The following FOXP2 variants were observed in gnomAD, a reference collection of about 807,000 sequenced individuals.
FOXP2 encodes the protein forkhead box protein P2.
A neutral mutation model predicts 115.8 loss-of-function variants in FOXP2; 12 were observed. The ratio of observed to expected loss-of-function variants is 0.10; its 90% CI spans 0.07 to 0.17. FOXP2 has a LOEUF of 0.17. FOXP2 is among the 10% of genes least tolerant of loss of function. The probability of loss-of-function intolerance (pLI) is 1.00; values close to 1 mark genes in which losing one functional copy is unlikely to be tolerated. For missense variants in FOXP2, 629 were observed against 843.5 expected (o/e 0.75, Z 3.15); for synonymous variants, 328 against 297.7 (o/e 1.10, Z -1.05).
intron 2 of FOXP2, among the ~76,000 whole-genome samples, chr7:114,342,903 A>C (rs1012385706): frequency 3.8e-4 from 57 of 151,628 alleles, no homozygotes; most frequent in African/African-American, 1.3e-3. Flanking sequence ...AAAGTTTACT[A>C]TGTTCTCACA....
chr7:114,397,126 G>C (rs116148254), intron 2 of FOXP2, among the ~76,000 whole-genome samples: 2,243 of 152,062 alleles, frequency 0.015, 39 homozygotes, highest in African/African-American at 0.038. Flanking sequence ...GCAATGAAAA[G>C]CACAAAATAA....
chr7:114,198,538 G>A (rs1454375567), intron 1 of FOXP2, among the ~76,000 whole-genome samples: 1 of 152,154 alleles, frequency 6.6e-6, no homozygotes. Flanking sequence ...CCTCTCATAA[G>A]CAGTTCACAA....
intron 2 of FOXP2, chr7:114,288,166 C>T (rs1796511045): frequency 4.5e-6 from 2 of 439,940 alleles, no homozygotes; most frequent in Non-Finnish European, 9.0e-6. Flanking sequence ...TTTTATTTTT[C>T]TAATGCTGAT....
At chr7:114,466,851 A>G (rs1332357988) in intron 2 of FOXP2, among the ~76,000 whole-genome samples, 2 of 152,230 alleles carry the variant, frequency 1.3e-5, no homozygotes, top group African/African-American at 2.4e-5. Context: ...AATTCAAAAC[A>G]CCACAAACAG....
At chr7:114,687,742 C>A (rs982599296) in intron 16 of FOXP2, among the ~76,000 whole-genome samples, 6 of 152,020 alleles carry the variant, frequency 3.9e-5, no homozygotes, top group Non-Finnish European at 7.4e-5. Flanking sequence ...CTTTTAGAAG[C>A]CTTTCTTTGT....
intron 1 of FOXP2, among the ~76,000 whole-genome samples, chr7:114,194,360 T>G (rs904160622): frequency 3.9e-5 from 6 of 152,060 alleles, no homozygotes; most frequent in African/African-American, 1.2e-4. Context: ...TCCTTTACCC[T>G]TTATCTTTCT....
At chr7:114,096,902 T>C (rs899757484) in intron 1 of FOXP2, among the ~76,000 whole-genome samples, 4 of 152,176 alleles carry the variant, frequency 2.6e-5, no homozygotes, top group African/African-American at 9.7e-5. Flanking sequence ...ATGAGTAGTT[T>C]TATGTTTACA....
At chr7:114,388,494 G>T (rs986451334) in intron 2 of FOXP2, among the ~76,000 whole-genome samples, 4 of 151,794 alleles carry the variant, frequency 2.6e-5, no homozygotes, top group African/African-American at 9.7e-5. Context: ...GGTTAAAACT[G>T]AATGATCCTG....
intron 3 of FOXP2, among the ~76,000 whole-genome samples, chr7:114,583,102 G>A (rs894876637): frequency 4.6e-5 from 7 of 152,152 alleles, no homozygotes; most frequent in African/African-American, 1.2e-4. Context: ...CTTTGCCCAG[G>A]CGTGGTGGCT....
chr7:114,620,248 T>G (rs1218765669), intron 3 of FOXP2, among the ~76,000 whole-genome samples: 1 of 152,082 alleles, frequency 6.6e-6, no homozygotes, highest in Non-Finnish European at 1.5e-5. Flanking sequence ...ATTCCAAGCT[T>G]AGAAATAACA....
intron 2 of FOXP2, among the ~76,000 whole-genome samples, chr7:114,530,614 A>G (rs943917096): frequency 8.6e-5 from 13 of 151,774 alleles, no homozygotes; most frequent in Non-Finnish European, 1.9e-4. Context: ...AAGTAATTTT[A>G]TATTTGGTGA....
At chr7:114,309,971 G>A (rs1305642174) in intron 2 of FOXP2, among the ~76,000 whole-genome samples, 1 of 151,906 alleles carries the variant, frequency 6.6e-6, no homozygotes, top group Non-Finnish European at 1.5e-5. Flanking sequence ...GGTGGGAGGT[G>A]TCTTTAATCT....
intron 2 of FOXP2, among the ~76,000 whole-genome samples, chr7:114,490,652 C>T (rs1796999901): frequency 6.6e-6 from 1 of 152,106 alleles, no homozygotes; most frequent in African/African-American, 2.4e-5. Context: ...CTATCCCTCC[C>T]CCATACCCCC....
At chr7:114,526,298 G>A (rs543261742) in intron 2 of FOXP2, among the ~76,000 whole-genome samples, 14 of 150,498 alleles carry the variant, frequency 9.3e-5, no homozygotes, top group Admixed American at 3.3e-4. Context: ...CCAACGTGGC[G>A]AAACTATGTC....
At chr7:114,680,926 T>A (rs925724248) in intron 16 of FOXP2, among the ~76,000 whole-genome samples, 6 of 152,314 alleles carry the variant, frequency 3.9e-5, no homozygotes, top group Admixed American at 1.3e-4. Flanking sequence ...CTTATTTCCA[T>A]CTGAACTTGC....
Position 114,293,049 on chromosome 7 carries a change from C to T in FOXP2, c.-11+4940C>T, listed in dbSNP as rs112599254. Among the ~76,000 whole-genome samples, 5 of 152,226 alleles carry T rather than the reference C, an allele frequency of 3.3e-5. No individual in the cohort carries two copies. The East Asian group carries it at 5.8e-4, about 18-fold the overall frequency. ...AAACCAATTACATATGGGAAAAACACGAATCACTGGAGTCCAGAGGGATAG... is the reference window on the plus strand; with the variant it reads ...AAACCAATTACATATGGGAAAAACATGAATCACTGGAGTCCAGAGGGATAG... On this transcript the variant is annotated intron_variant, in intron 2 of 17. Coordinates refer to the FOXP2 transcript ENST00000634411.
chr7:114,498,563 C>T (rs1479664837), intron 2 of FOXP2, among the ~76,000 whole-genome samples: 1 of 152,222 alleles, frequency 6.6e-6, no homozygotes, highest in East Asian at 1.9e-4. Context: ...ACTGAAGCAA[C>T]ATTTAGTAAC....
chr7:114,276,669 T>C, intron 1 of FOXP2, among the ~76,000 whole-genome samples: 1 of 152,190 alleles, frequency 6.6e-6, no homozygotes, highest in East Asian at 1.9e-4. Context: ...TTTCCTGTTC[T>C]GGTACTGGTT....
In FOXP2 at chr7:114,672,203, A is replaced by G. The variant is rs1444263296; in HGVS notation, c.2003+7767A>G. Among the ~76,000 whole-genome samples, 3 of 152,240 alleles carry G rather than the reference A, an allele frequency of 2.0e-5. No individual in the cohort carries two copies. The East Asian group carries it at 5.8e-4, about 29-fold the overall frequency. ...CACAATGTTATCTTACTATAAAAAA[A>G]TGTATATTTGCAACATTAAATCTGA... On this transcript the variant is annotated intron_variant, in intron 16 of 16. Coordinates refer to ENST00000350908, the MANE Select transcript of FOXP2 (RefSeq NM_014491.4).
Sources: allele counts gnomAD v4.1 joint callset (sites outside exome capture counted in the v4.1 genomes callset), GRCh38; gene constraint gnomAD v4.1.1; transcripts MANE v1.5; gene names NCBI Gene and HGNC (gene_info 2026-07-23, HGNC 2026-07-21).